Variants in RALYL observed in about 807,000 individuals in gnomAD.
RALYL encodes the protein RNA-binding Raly-like protein.
In RALYL, 29 loss-of-function variants were observed where a neutral mutation model predicts 35.1. That is an observed-to-expected ratio of 0.83 (90% CI 0.61 to 1.13). RALYL has a LOEUF of 1.13. Among genes scored for constraint, RALYL ranks in the 50% most tolerant of loss-of-function variants. The probability of loss-of-function intolerance (pLI) is 0.00; values close to 1 mark genes in which losing one functional copy is unlikely to be tolerated. For missense variants in RALYL, 359 were observed against 360.4 expected (o/e 1.00, Z 0.03); for synonymous variants, 120 against 127.6 (o/e 0.94, Z 0.40).
chr8:84,704,565 G>A (rs1564404217), intron 2 of RALYL, among the ~76,000 whole-genome samples: 1 of 150,954 alleles, frequency 6.6e-6, no homozygotes, highest in African/African-American at 2.4e-5. Flanking sequence ...TACATCTCTG[G>A]AAAAAAAATG....
chr8:84,649,316 T>C (rs1435181754), intron 2 of RALYL, among the ~76,000 whole-genome samples: 1 of 152,150 alleles, frequency 6.6e-6, no homozygotes, highest in Admixed American at 6.6e-5. Flanking sequence ...TGGCTTTTGT[T>C]GCCATTGCTT....
chr8:84,577,162 T>A (rs751186287), intron 2 of RALYL, among the ~76,000 whole-genome samples: 3 of 152,250 alleles, frequency 2.0e-5, no homozygotes, highest in Non-Finnish European at 2.9e-5. Context: ...CAGTTGCGTT[T>A]GGCGTAATTA....
At chr8:84,597,756 A>G (rs2130683347) in intron 2 of RALYL, among the ~76,000 whole-genome samples, 1 of 152,286 alleles carries the variant, frequency 6.6e-6, no homozygotes, top group South Asian at 2.1e-4. Context: ...GTGTCCATAA[A>G]TAAAGGTTTA....
intron 2 of RALYL, among the ~76,000 whole-genome samples, chr8:84,597,910 GT>G (rs1192697105): frequency 1.3e-5 from 2 of 152,134 alleles, no homozygotes; most frequent in Non-Finnish European, 2.9e-5. Context: ...GAGAAAGTTT[GT>G]TGATCCCTGC....
chr8:84,636,981 T>A (rs1825200937), intron 2 of RALYL, among the ~76,000 whole-genome samples: 1 of 151,946 alleles, frequency 6.6e-6, no homozygotes, highest in African/African-American at 2.4e-5. Flanking sequence ...GGTCTTCACC[T>A]ATGGAAGCTT....
At chr8:84,258,108 G>A (rs567888844) in intron 1 of RALYL, among the ~76,000 whole-genome samples, 19 of 152,250 alleles carry the variant, frequency 1.2e-4, no homozygotes, top group Non-Finnish European at 2.2e-4. Flanking sequence ...CCTGGGGGCC[G>A]AAGTAGCCAC....
chr8:84,815,404 T>A (rs1331190042), intron 4 of RALYL, among the ~76,000 whole-genome samples: 1 of 148,028 alleles, frequency 6.8e-6, no homozygotes, highest in Non-Finnish European at 1.5e-5. Context: ...TATTTATATA[T>A]TTACTATTTA....
intron 1 of RALYL, among the ~76,000 whole-genome samples, chr8:84,189,356 C>T (rs144692837): frequency 6.6e-6 from 1 of 152,302 alleles, no homozygotes; most frequent in African/African-American, 2.4e-5. Context: ...TGCATTCATA[C>T]ATAATCCATG....
At chr8:84,538,361 C>A (rs2059768621) in intron 2 of RALYL, among the ~76,000 whole-genome samples, 1 of 152,008 alleles carries the variant, frequency 6.6e-6, no homozygotes, top group African/African-American at 2.4e-5. Flanking sequence ...TACTACAAAG[C>A]TAAATAATAT....
chr8:84,296,599 A>G (rs531574068), intron 1 of RALYL, among the ~76,000 whole-genome samples: 1 of 147,416 alleles, frequency 6.8e-6, no homozygotes, highest in South Asian at 2.2e-4. Flanking sequence ...TCCCTAGAGC[A>G]GGAGACATCT....
At chr8:84,507,883 T>G (rs1197537391) in intron 1 of RALYL, among the ~76,000 whole-genome samples, 1 of 152,206 alleles carries the variant, frequency 6.6e-6, no homozygotes, top group Non-Finnish European at 1.5e-5. Context: ...TGGCAGACCC[T>G]AAATACATTG....
intron 2 of RALYL, among the ~76,000 whole-genome samples, chr8:84,764,359 T>C (rs1463278714): frequency 7.9e-5 from 12 of 152,322 alleles, no homozygotes. Context: ...AATTATTTGA[T>C]CAATGAAAAT....
chr8:84,908,315 CCTCT>C (rs966104072), intron 8 of RALYL, among the ~76,000 whole-genome samples: 5 of 152,126 alleles, frequency 3.3e-5, no homozygotes, highest in African/African-American at 4.8e-5. Context: ...ACTTACTCCT[CCTCT>C]CTAACTGAAA....
intron 1 of RALYL, among the ~76,000 whole-genome samples, chr8:84,460,122 G>A (rs1463281552): frequency 6.6e-6 from 1 of 151,688 alleles, no homozygotes; most frequent in Non-Finnish European, 1.5e-5. Context: ...TATACACACA[G>A]GTATGAAAAT....
chr8:84,874,252 T>C (rs1840719937), intron 7 of RALYL, among the ~76,000 whole-genome samples: 1 of 152,074 alleles, frequency 6.6e-6, no homozygotes, highest in Non-Finnish European at 1.5e-5. Context: ...AAGACTTAAT[T>C]TGCTGGAAGA....
intron 2 of RALYL, among the ~76,000 whole-genome samples, chr8:84,717,252 G>T (rs377221547): frequency 3.9e-5 from 6 of 152,230 alleles, no homozygotes; most frequent in Admixed American, 6.5e-5. Flanking sequence ...TGGGTCCCTG[G>T]AAATTAGAAC....
chr8:84,768,363 C>G (rs960582831), intron 2 of RALYL, among the ~76,000 whole-genome samples: 1 of 152,146 alleles, frequency 6.6e-6, no homozygotes, highest in East Asian at 1.9e-4. Flanking sequence ...AGGGACTGCT[C>G]GTTCATTCGA....
intron 8 of RALYL, among the ~76,000 whole-genome samples, chr8:84,892,329 G>A (rs529520813): frequency 6.6e-6 from 1 of 152,128 alleles, no homozygotes; most frequent in African/African-American, 2.4e-5. Context: ...TGATTTCCTG[G>A]CTGGGCATGG....
At chr8:84,228,878 A>G (rs1027927794) in intron 1 of RALYL, among the ~76,000 whole-genome samples, 6 of 152,210 alleles carry the variant, frequency 3.9e-5, no homozygotes, top group African/African-American at 1.4e-4. Context: ...CACTATCATG[A>G]GAACAGTACG....
Sources: gnomAD v4.1 joint callset for allele counts (sites outside exome capture counted in the v4.1 genomes callset) on GRCh38, gnomAD v4.1.1 for gene constraint, MANE v1.5 for transcripts, NCBI Gene and HGNC (gene_info 2026-07-23, HGNC 2026-07-21) for gene names.